KCNQ1: variants seen among roughly 807,000 people sequenced by gnomAD.
KCNQ1 encodes potassium voltage-gated channel subfamily KQT member 1.
A neutral mutation model predicts 72.4 loss-of-function variants in KCNQ1; 49 were observed. The ratio of observed to expected loss-of-function variants is 0.68; its 90% CI spans 0.54 to 0.86. KCNQ1 has a LOEUF of 0.86. Among genes scored for constraint, KCNQ1 ranks in the 40% least tolerant of loss-of-function variants. The pLI is 0.00. For missense variants in KCNQ1, 790 were observed against 945.1 expected (o/e 0.84, Z 2.15); for synonymous variants, 450 against 412.6 (o/e 1.09, Z -1.10).
chr11:2,572,143 G>T (rs1236340546), intron 5 of KCNQ1, 34 bp downstream of exon 5: 1 of 1,517,072 alleles, frequency 6.6e-7, no homozygotes, highest in Non-Finnish European at 9.1e-7. Context: ...CGGGGCCCAG[G>T]TTGGGGACAG....
rs1849176549 is a variant in KCNQ1, at chr11:2,621,783, GA to G, written c.1393+32930del. The G allele has an allele frequency of 2.5e-6, 1 of 397,996 alleles. No homozygotes were observed. Among genetic ancestry groups the G allele is most frequent in the Non-Finnish European group, 4.4e-6 (1 of 225,884 alleles). 24.7% of individuals were successfully genotyped at this position (397,996 alleles called of 1,614,324 possible). ...CTCTTTCTTAGTCCAAGAGTTTGTT[GA>G]TTTTATTTTTCAAAAATCAATTCTT... is the stretch of plus-strand genomic sequence containing the variant. On this transcript the variant is annotated intron_variant, in intron 10 of 15. Transcript: ENST00000155840. This position sits in a 1 kb window ranked among gnomAD's most constrained non-coding sequence, Gnocchi z 5.7.
At chr11:2,456,794 C>CG (rs1352513801) in intron 1 of KCNQ1, among the ~76,000 whole-genome samples, 20 of 128,716 alleles carry the variant, frequency 1.6e-4, no homozygotes, top group African/African-American at 6.0e-4. Context: ...AAAAAATTAG[C>CG]CGGGCGTGGG....
chr11:2,694,651 A>G, intron 11 of KCNQ1: 2 of 398,542 alleles, frequency 5.0e-6, no homozygotes, highest in East Asian at 7.1e-5. Context: ...TCTGTGACAC[A>G]CCCACCATGT....
Position 2,677,701 on chromosome 11 carries a change from A to C in KCNQ1, c.1514+15620A>C, listed in dbSNP as rs1287822985. 2.5e-6 allele frequency: 1 copy of C among 398,494 alleles called. No individual in the cohort carries two copies. Among genetic ancestry groups the C allele is most frequent in the Non-Finnish European group, 4.4e-6 (1 of 226,062 alleles). The allele number at this position is 398,494 out of a possible 1,614,324, so 24.7% of individuals were successfully genotyped here. On this transcript the variant is annotated intron_variant, in intron 11 of 15. Coordinates refer to ENST00000155840, the MANE Select transcript of KCNQ1 (RefSeq NM_000218.3). The surrounding 1 kb of genome is among the most constrained non-coding windows in gnomAD (Gnocchi z 4.5). ...TTAACTACTGTTATTTTTCAAATTA[A>C]CTTCCCAATCAAATATCTCTATTGT... is the stretch of plus-strand genomic sequence containing the variant.
Position 2,680,318 on chromosome 11 carries a change from C to T in KCNQ1, c.1514+18237C>T, listed in dbSNP as rs1386179175. 7 of 334,668 alleles carry T rather than the reference C, an allele frequency of 2.1e-5. No individual in the cohort carries two copies. The East Asian group carries it at 2.1e-4, about 10-fold the overall frequency. 20.7% of individuals were successfully genotyped at this position (334,668 alleles called of 1,614,324 possible). A position where few individuals can be genotyped will look rare whatever the true frequency, so the allele number is the denominator to read the frequency against. ...ATTAACTGATGAAGAATTGCCTTCC[C>T]CACCTCAAAAAAAAAGTCTTTCCAG... On this transcript the variant is annotated intron_variant, in intron 11 of 15. Transcript: ENST00000155840.
At position 2,621,412 on chromosome 11, in the gene KCNQ1, T is replaced by C. The variant is rs1849170139; in HGVS notation, c.1393+32558T>C. 3 of 398,674 alleles carry C rather than the reference T, an allele frequency of 7.5e-6. No individual in the cohort carries two copies. Among genetic ancestry groups the C allele is most frequent in the Non-Finnish European group, 1.3e-5 (3 of 226,074 alleles). 24.7% of individuals were successfully genotyped at this position (398,674 alleles called of 1,614,324 possible). On this transcript the variant is annotated intron_variant, in intron 10 of 15. Transcript: ENST00000155840. The surrounding 1 kb of genome is among the most constrained non-coding windows in gnomAD (Gnocchi z 5.7). Reference sequence around the variant, plus strand: ...GGATTATTCGTTTTTTGCTTGTTGATTGGTTTAAGTTCCTTATGGATTCTG... The same window carrying C: ...GGATTATTCGTTTTTTGCTTGTTGACTGGTTTAAGTTCCTTATGGATTCTG...
chr11:2,731,933 C>T (rs1237678237), intron 11 of KCNQ1, among the ~76,000 whole-genome samples: 1 of 152,238 alleles, frequency 6.6e-6, no homozygotes, highest in Admixed American at 6.5e-5. Flanking sequence ...AGAGCTGTCT[C>T]CTGCAGAGAG....
rs898210543 is a variant in KCNQ1, at chr11:2,500,944, G to A, written c.387-26984G>A. On this transcript the variant is annotated intron_variant, in intron 1 of 15. Coordinates refer to ENST00000155840, the MANE Select transcript of KCNQ1 (RefSeq NM_000218.3). ...TGTAGATGACGGGTTGATGGGTGCA[G>A]CAAACCACCATGGCACGTGTATGCC... is the stretch of plus-strand genomic sequence containing the variant. 4.6e-5 allele frequency among the ~76,000 whole-genome samples: 7 copies of A among 152,226 alleles called. No homozygotes were observed. In the East Asian group the frequency reaches 1.4e-3, roughly 29 times the overall value.
At chr11:2,467,027 T>G (rs1347426582) in intron 1 of KCNQ1, among the ~76,000 whole-genome samples, 1 of 151,772 alleles carries the variant, frequency 6.6e-6, no homozygotes, top group Admixed American at 6.6e-5. Context: ...CCTGAGGGAG[T>G]GCCTTCCAGG....
At chr11:2,685,818 A>G (rs1850478669) in intron 11 of KCNQ1, 2 of 398,582 alleles carry the variant, frequency 5.0e-6, no homozygotes. Flanking sequence ...TGCGATTCCT[A>G]CTAGAACGAG....
At position 2,673,946 on chromosome 11, in the gene KCNQ1, A is replaced by C; in HGVS notation, c.1514+11865A>C. 1 of 128,492 alleles carries C rather than the reference A, an allele frequency of 7.8e-6. No homozygotes were observed. Among genetic ancestry groups the C allele is most frequent in the South Asian group, 2.4e-4 (1 of 4,232 alleles). 8.0% of individuals were successfully genotyped at this position (128,492 alleles called of 1,614,324 possible). A position where few individuals can be genotyped will look rare whatever the true frequency, so the allele number is the denominator to read the frequency against. On this transcript the variant is annotated intron_variant, in intron 11 of 15. Coordinates refer to ENST00000155840, the MANE Select transcript of KCNQ1 (RefSeq NM_000218.3). The surrounding 1 kb of genome is among the most constrained non-coding windows in gnomAD (Gnocchi z 4.5). ...AAGGGAGTGTGTCTCTTTCCCCATG[A>C]GTGACAGCAGCCACAAGGGGATGCC...
At position 2,627,459 on chromosome 11, in the gene KCNQ1, C is replaced by T. The variant is rs1217933638; in HGVS notation, c.1394-34502C>T. 5 of 398,406 alleles carry T rather than the reference C, an allele frequency of 1.3e-5. No individual in the cohort carries two copies. The highest frequency in any genetic ancestry group is 1.0e-4 in the African/African-American group (5 of 48,602). The allele number at this position is 398,406 out of a possible 1,614,324, so 24.7% of individuals were successfully genotyped here. A position where few individuals can be genotyped will look rare whatever the true frequency, so the allele number is the denominator to read the frequency against. On this transcript the variant is annotated intron_variant, in intron 10 of 15. Transcript: ENST00000155840. This position sits in a 1 kb window ranked among gnomAD's most constrained non-coding sequence, Gnocchi z 4.9. ...TACCCTTCAACATTTCCTATTTCCC[C>T]TACTCCCTGACCCCTAGTAACCACC... is the stretch of plus-strand genomic sequence containing the variant.
At chr11:2,693,037 G>A in intron 11 of KCNQ1, 1 of 398,662 alleles carries the variant, frequency 2.5e-6, no homozygotes, top group Non-Finnish European at 4.4e-6. Context: ...AGTCCTTTCT[G>A]GAGCAGGGGG....
Position 2,593,486 on chromosome 11 carries a change from T to C in KCNQ1, c.1393+4632T>C, listed in dbSNP as rs1848696115. On this transcript the variant is annotated intron_variant, in intron 10 of 15. Coordinates refer to ENST00000155840, the MANE Select transcript of KCNQ1 (RefSeq NM_000218.3). The surrounding 1 kb of genome is among the most constrained non-coding windows in gnomAD (Gnocchi z 6.9). ...TGGCCTGGAGGTGATTCTGAAGGGCTTCTGGGGAGGCGTCTTCAAAGCTGT... is the reference window on the plus strand; with the variant it reads ...TGGCCTGGAGGTGATTCTGAAGGGCCTCTGGGGAGGCGTCTTCAAAGCTGT... Among the ~76,000 whole-genome samples the C allele has an allele frequency of 6.6e-6, 1 of 152,200 alleles. No homozygotes were observed. The highest frequency in any genetic ancestry group is 2.1e-4 in the South Asian group (1 of 4,828).
rs914188402 is a variant in KCNQ1, at chr11:2,462,030, C to T, written c.386+16546C>T. On this transcript the variant is annotated intron_variant, in intron 1 of 15. Coordinates refer to ENST00000155840, the MANE Select transcript of KCNQ1 (RefSeq NM_000218.3). The surrounding 1 kb of genome is among the most constrained non-coding windows in gnomAD (Gnocchi z 8.2). ...CCAATACAGCTGGGATGCATTGCTG[C>T]TCCTTCCGCCATCCCAGCAGCTGTC... 36 of 337,110 alleles carry T rather than the reference C, an allele frequency of 1.1e-4. No individual in the cohort carries two copies. The highest frequency in any genetic ancestry group is 7.1e-4 in the African/African-American group (33 of 46,478). 20.9% of individuals were successfully genotyped at this position (337,110 alleles called of 1,614,324 possible).
At chr11:2,465,477 C>T (rs1441963244) in intron 1 of KCNQ1, among the ~76,000 whole-genome samples, 1 of 152,256 alleles carries the variant, frequency 6.6e-6, no homozygotes, top group East Asian at 1.9e-4. Context: ...GCTGAGACTC[C>T]TCTGAGCTCG....
rs533301294 is a variant in KCNQ1, at chr11:2,785,927, CT to C, written c.1794+7891del. 1.7e-3 allele frequency among the ~76,000 whole-genome samples: 252 copies of C among 152,154 alleles called. 1 individual carries two copies. Among genetic ancestry groups the C allele is most frequent in the African/African-American group, 5.8e-3 (240 of 41,562 alleles). ...CACTTTAACTTCAATTATTCTCCCC[CT>C]GACTTAGTACTTTGCTGTTGTATAT... On this transcript the variant is annotated intron_variant, in intron 15 of 15. Coordinates refer to ENST00000155840, the MANE Select transcript of KCNQ1 (RefSeq NM_000218.3). The surrounding 1 kb of genome is among the most constrained non-coding windows in gnomAD (Gnocchi z 4.4).
chr11:2,472,244 T>C (rs9736070), intron 1 of KCNQ1, among the ~76,000 whole-genome samples: 4,828 of 151,728 alleles, frequency 0.032, 246 homozygotes, highest in African/African-American at 0.11. Flanking sequence ...TATGGGTGTG[T>C]GTGCACCCAT....
rs1686152521 is a variant in KCNQ1, at chr11:2,670,781, A to G, written c.1514+8700A>G. 2 of 398,566 alleles carry G rather than the reference A, an allele frequency of 5.0e-6. No homozygotes were observed. Among genetic ancestry groups the G allele is most frequent in the Non-Finnish European group, 4.4e-6 (1 of 226,076 alleles). 24.7% of individuals were successfully genotyped at this position (398,566 alleles called of 1,614,324 possible). A position where few individuals can be genotyped will look rare whatever the true frequency, so the allele number is the denominator to read the frequency against. On this transcript the variant is annotated intron_variant, in intron 11 of 15. Transcript: ENST00000155840. The surrounding 1 kb of genome is among the most constrained non-coding windows in gnomAD (Gnocchi z 4.9). ...GTGGCTCTTGTGGCTGCCCTCTGCA[A>G]TAAGAATTCTTCAAGTTCAGCCTCT...
Sources: gnomAD v4.1 joint callset for allele counts (sites outside exome capture counted in the v4.1 genomes callset) on GRCh38, gnomAD v4.1.1 for gene constraint, Gnocchi (gnomAD v3.1) non-coding constraint, MANE v1.5 for transcripts, NCBI Gene and HGNC (gene_info 2026-07-23, HGNC 2026-07-21) for gene names.